Variants in RAB32 observed in about 807,000 individuals in gnomAD.
RAB32 encodes the protein ras-related protein Rab-32.
Under a neutral mutation model 17.5 loss-of-function variants are expected in RAB32, and 17 were observed. The ratio of observed to expected loss-of-function variants is 0.97; its 90% CI spans 0.67 to 1.46. The LOEUF is 1.46. Among genes scored for constraint, RAB32 ranks in the 40% most tolerant of loss-of-function variants. RAB32 has a pLI of 0.00. For synonymous variants in RAB32, 115 were observed against 111.1 expected (o/e 1.04, Z -0.22); for missense variants, 288 against 284.3 (o/e 1.01, Z -0.09).
intron 2 of RAB32, among the ~76,000 whole-genome samples, chr6:146,550,854 A>G (rs1475294027): frequency 1.3e-5 from 2 of 152,110 alleles, no homozygotes; most frequent in Non-Finnish European, 2.9e-5. Context: ...ATTTGTTGAA[A>G]TCATAACACA....
intron 2 of RAB32, among the ~76,000 whole-genome samples, chr6:146,550,358 C>G (rs958819297): frequency 1.3e-5 from 2 of 152,120 alleles, no homozygotes; most frequent in Non-Finnish European, 2.9e-5. Context: ...AAAATCTTAA[C>G]AGTCTAGTGA....
intron 1 of RAB32, among the ~76,000 whole-genome samples, chr6:146,546,278 T>C (rs528316709): frequency 6.6e-6 from 1 of 152,242 alleles, no homozygotes; most frequent in Non-Finnish European, 1.5e-5. Context: ...ACAGGTATTG[T>C]TGTCCCATAC....
In RAB32 at chr6:146,550,456, A is replaced by G. The variant is rs7771152; in HGVS notation, c.528+715A>G. Among the ~76,000 whole-genome samples the G allele has an allele frequency of 3.8e-3, 581 of 152,104 alleles. 4 individuals carry two copies. Among genetic ancestry groups the G allele is most frequent in the African/African-American group, 0.013 (559 of 41,482 alleles). ...GCAGATCGCTTGAACTGGGAGTTCGAGACCAGCCTGGGCAACGTGGCGAAA... is the reference window on the plus strand; with the variant it reads ...GCAGATCGCTTGAACTGGGAGTTCGGGACCAGCCTGGGCAACGTGGCGAAA... On this transcript the variant is annotated intron_variant, in intron 2 of 2. Transcript: ENST00000367495.
chr6:146,553,314 A>G (rs1779918064), intron 2 of RAB32, among the ~76,000 whole-genome samples: 1 of 152,354 alleles, frequency 6.6e-6, no homozygotes, highest in Non-Finnish European at 1.5e-5. Context: ...ACATATTTGC[A>G]CTAAGTACAA....
At chr6:146,549,251 A>G (rs997767635) in intron 1 of RAB32, among the ~76,000 whole-genome samples, 1 of 152,196 alleles carries the variant, frequency 6.6e-6, no homozygotes, top group Non-Finnish European at 1.5e-5. Context: ...ACAGAACATA[A>G]AACTAATTCA....
chr6:146,549,843 T>C, intron 2 of RAB32, 102 bp downstream of exon 2: 4 of 1,326,954 alleles, frequency 3.0e-6, no homozygotes, highest in Non-Finnish European at 4.1e-6. Context: ...TGTTTGAAAG[T>C]CTGGAAAATG....
At chr6:146,553,948 G>T (rs1274275440) in intron 2 of RAB32, among the ~76,000 whole-genome samples, 2 of 152,156 alleles carry the variant, frequency 1.3e-5, no homozygotes, top group Non-Finnish European at 2.9e-5. Context: ...AATGGACATT[G>T]CACTGACAAC....
rs1017870322 is a variant in RAB32, at chr6:146,554,752, G to A, written c.*147G>A. 9.3e-6 allele frequency: 7 copies of A among 750,796 alleles called. No individual in the cohort carries two copies. Among genetic ancestry groups the A allele is most frequent in the Non-Finnish European group, 1.4e-5 (7 of 487,766 alleles). 46.5% of individuals were successfully genotyped at this position (750,796 alleles called of 1,614,324 possible). On this transcript the variant is annotated 3_prime_UTR_variant, in exon 3 of 3. Coordinates refer to ENST00000367495, the MANE Select transcript of RAB32 (RefSeq NM_006834.5). ...GGGCGCCTGCACTTATTTGAAAATG[G>A]AACTTTGGGAGAAGTATCCCTGCTA...
chr6:146,545,179 G>A (rs879691467), intron 1 of RAB32, among the ~76,000 whole-genome samples: 1 of 152,058 alleles, frequency 6.6e-6, no homozygotes, highest in African/African-American at 2.4e-5. Context: ...TGAGGCAGGA[G>A]GATCACTTGA....
chr6:146,544,793 C>T (rs1779800890), intron 1 of RAB32, among the ~76,000 whole-genome samples: 1 of 146,152 alleles, frequency 6.8e-6, no homozygotes, highest in Non-Finnish European at 1.5e-5. Flanking sequence ...CCCCCCCACT[C>T]CTCAATACAG....
intron 1 of RAB32, among the ~76,000 whole-genome samples, 178 bp from the exon 2 acceptor site, chr6:146,549,286 G>C (rs1300374274): frequency 1.3e-5 from 2 of 152,182 alleles, no homozygotes; most frequent in Admixed American, 1.3e-4. Context: ...CAAATTATCA[G>C]ACACATCTGC....
intron 2 of RAB32, among the ~76,000 whole-genome samples, chr6:146,550,694 A>G (rs1021894650): frequency 1.4e-5 from 2 of 145,338 alleles, no homozygotes; most frequent in African/African-American, 5.1e-5. Flanking sequence ...ATATAGAAAA[A>G]AGGTGAAAAT....
chr6:146,551,275 T>G (rs772001042), intron 2 of RAB32, among the ~76,000 whole-genome samples: 3 of 152,218 alleles, frequency 2.0e-5, no homozygotes, highest in Non-Finnish European at 2.9e-5. Flanking sequence ...GAGTGCTATG[T>G]GAGCACTTAA....
At chr6:146,550,724 T>C (rs969261132) in intron 2 of RAB32, among the ~76,000 whole-genome samples, 11 of 125,028 alleles carry the variant, frequency 8.8e-5, no homozygotes, top group African/African-American at 3.3e-4. Flanking sequence ...ATAAAATGTT[T>C]GGGGGGGGGG....
chr6:146,545,627 G>A (rs550982859), intron 1 of RAB32, among the ~76,000 whole-genome samples: 61 of 152,294 alleles, frequency 4.0e-4, no homozygotes, highest in Admixed American at 8.5e-4. Flanking sequence ...CAGTTGCTCA[G>A]AAAAAAGGAG....
intron 2 of RAB32, among the ~76,000 whole-genome samples, chr6:146,550,060 A>C (rs1779876410): frequency 6.6e-6 from 1 of 152,178 alleles, no homozygotes; most frequent in Non-Finnish European, 1.5e-5. Context: ...ATTGTCAAGC[A>C]CGAGAATTTT....
intron 2 of RAB32, among the ~76,000 whole-genome samples, chr6:146,552,622 AAAG>A (rs1779910760): frequency 6.6e-6 from 1 of 152,140 alleles, no homozygotes. Flanking sequence ...GTAAACAGAT[AAAG>A]AAGTTGATAC....
chr6:146,544,374 A>C (rs1406526306), intron 1 of RAB32, among the ~76,000 whole-genome samples: 1 of 151,938 alleles, frequency 6.6e-6, no homozygotes, highest in Non-Finnish European at 1.5e-5. Flanking sequence ...GGAGGCGAGG[A>C]GGCCAGGGGG....
At chr6:146,551,549 A>G (rs11155475) in intron 2 of RAB32, among the ~76,000 whole-genome samples, 75,342 of 150,774 alleles carry the variant, frequency 0.5, 23,509 homozygotes, top group Non-Finnish European at 0.69. Flanking sequence ...CTGTATGCCT[A>G]TTGGGTGATT....
Sources: gnomAD v4.1 joint callset for allele counts (sites outside exome capture counted in the v4.1 genomes callset) on GRCh38, gnomAD v4.1.1 for gene constraint, MANE v1.5 for transcripts, NCBI Gene and HGNC (gene_info 2026-07-23, HGNC 2026-07-21) for gene names.